Variants in KDSR observed in about 807,000 individuals in gnomAD.
KDSR encodes 3-dehydrosphinganine reductase.
KDSR carries 23 observed loss-of-function variants against 41.3 expected under a neutral mutation model. That is an observed-to-expected ratio of 0.56 (90% CI 0.40 to 0.79). The LOEUF (loss-of-function observed/expected upper bound fraction) is 0.79. KDSR is among the 30% of genes least tolerant of loss of function. KDSR has a pLI of 0.00. For synonymous variants in KDSR, 138 were observed against 151.7 expected (o/e 0.91, Z 0.66); for missense variants, 351 against 416.8 (o/e 0.84, Z 1.37).
intron 1 of KDSR, among the ~76,000 whole-genome samples, chr18:63,363,624 T>C (rs1915056495): frequency 6.6e-6 from 1 of 152,082 alleles, no homozygotes; most frequent in Non-Finnish European, 1.5e-5. Flanking sequence ...TCTATCATTG[T>C]TGGACATTTG....
chr18:63,334,586 T>G (rs974414284), intron 9 of KDSR, among the ~76,000 whole-genome samples: 9 of 152,158 alleles, frequency 5.9e-5, no homozygotes, highest in African/African-American at 2.2e-4. Context: ...TGATCTCAAG[T>G]GATCTACCCA....
intron 2 of KDSR, among the ~76,000 whole-genome samples, chr18:63,361,126 C>T (rs2144379693): frequency 1.8e-5 from 2 of 110,068 alleles, no homozygotes; most frequent in South Asian, 6.5e-4. Flanking sequence ...CCTGTAATCC[C>T]AGGTATTCCG....
Position 63,362,827 on chromosome 18 carries a change from G to A in KDSR, c.150C>T (p.Ile50=), listed in dbSNP as rs774638341. 21 of 1,613,596 alleles carry A rather than the reference G, an allele frequency of 1.3e-5. No homozygotes were observed. Among genetic ancestry groups the A allele is most frequent in the East Asian group, 2.2e-5 (1 of 44,880 alleles). ...GSSGIGKCIA[I]ECYKQGAFIT... ...TAAAAGCTCCTTGTTTATAGCACTC[G>A]ATAGCAATGCACTTCCCGATGCCAC... The change falls in exon 2 of 10, where the codon ATC becomes ATT. Residue 50 remains isoleucine (I), a synonymous_variant. Coordinates refer to ENST00000645214, the MANE Select transcript of KDSR (RefSeq NM_002035.4).
chr18:63,352,908 T>G (rs954749186), intron 5 of KDSR, among the ~76,000 whole-genome samples: 18 of 151,748 alleles, frequency 1.2e-4, no homozygotes, highest in African/African-American at 4.1e-4. Context: ...GGCTCATGCC[T>G]GTAATCCCAG....
chr18:63,333,317 C>A (rs926347878), intron 9 of KDSR, among the ~76,000 whole-genome samples: 4 of 152,194 alleles, frequency 2.6e-5, no homozygotes, highest in African/African-American at 9.7e-5. Flanking sequence ...AACTCCTGAG[C>A]TCAAGCGATC....
intron 6 of KDSR, chr18:63,345,109 C>T (rs1914459502): frequency 6.6e-6 from 1 of 152,542 alleles, no homozygotes; most frequent in Admixed American, 6.5e-5. Context: ...GAGTCACTTC[C>T]TCCTCCACTG....
rs369318404 is a variant in KDSR, at chr18:63,352,662, G to A, written c.418-1583C>T. 6.6e-5 allele frequency among the ~76,000 whole-genome samples: 10 copies of A among 152,186 alleles called. 1 individual carries two copies. The highest frequency in any genetic ancestry group is 2.4e-4 in the African/African-American group (10 of 41,502). Reference sequence around the variant, plus strand: ...GACCAGAAACACTGGGAGTGACAGGGAAAAATATCTATGCTATTTAAGTTT... The same window carrying A: ...GACCAGAAACACTGGGAGTGACAGGAAAAAATATCTATGCTATTTAAGTTT... On this transcript the variant is annotated intron_variant, in intron 5 of 9. Transcript: ENST00000645214.
At chr18:63,366,701 G>A in intron 1 of KDSR, 2 of 302,416 alleles carry the variant, frequency 6.6e-6, no homozygotes, top group Non-Finnish European at 1.2e-5. Flanking sequence ...CACATCCCAG[G>A]GATGTTGCAT....
rs1329422782 is a variant in KDSR, at chr18:63,350,993, G to A, written c.504C>T (p.Ile168=). The change falls in exon 6 of 10, where the codon ATC becomes ATT. Residue 168 remains isoleucine, a synonymous_variant. Transcript: ENST00000645214. ...TTMKERRVGR[I]VFVSSQAGQL... ...GTCCTGCCTGGGAGGACACAAACACGATCCTGCCCACCCGGCGCTCCTTCA... is the reference window on the plus strand; with the variant it reads ...GTCCTGCCTGGGAGGACACAAACACAATCCTGCCCACCCGGCGCTCCTTCA... 2 of 1,614,004 alleles carry A rather than the reference G, an allele frequency of 1.2e-6. No individual in the cohort carries two copies. The highest frequency in any genetic ancestry group is 1.3e-5 in the African/African-American group (1 of 74,922).
In KDSR at chr18:63,331,006, A is replaced by G. The variant is rs958349570; in HGVS notation, c.*776T>C. 8 of 231,704 alleles carry G rather than the reference A, an allele frequency of 3.5e-5. No individual in the cohort carries two copies. The highest frequency in any genetic ancestry group is 6.0e-5 in the Non-Finnish European group (7 of 116,944). The allele number at this position is 231,704 out of a possible 1,614,324, so 14.4% of individuals were successfully genotyped here. ...TTAAGGAGGCTGCCTTTCCCCATGA[A>G]TGAGAAATGAAACGTTCCCTAAGCA... On this transcript the variant is annotated 3_prime_UTR_variant, in exon 10 of 10. Transcript: ENST00000645214.
At chr18:63,355,468 T>C (rs766422607) in intron 4 of KDSR, 30 bp downstream of exon 4, 10 of 1,613,548 alleles carry the variant, frequency 6.2e-6, no homozygotes, top group African/African-American at 1.3e-5. Context: ...TCAAGCACAT[T>C]GGTGAATTCC....
At position 63,361,209 on chromosome 18, in the gene KDSR, CAAAAAAAAAAAAAA is replaced by C. The variant is rs71162630; in HGVS notation, c.199-1431_199-1418del. Among the ~76,000 whole-genome samples the C allele has an allele frequency of 4.5e-4, 7 of 15,524 alleles. No individual in the cohort carries two copies. The Admixed American group carries it at 5.4e-3, about 12-fold the overall frequency. The allele number at this position is 15,524 out of a possible 152,430, so 10.2% of individuals were successfully genotyped here. A position where few individuals can be genotyped will look rare whatever the true frequency, so the allele number is the denominator to read the frequency against. On this transcript the variant is annotated intron_variant, in intron 2 of 9. Transcript: ENST00000645214. ...TGGGTTACAGAGCAAAACTCCGTCTCAAAAAAAAAAAAAAAAAAAAAAAAAAAAGAATGAATTAC... is the reference window on the plus strand; with the variant it reads ...TGGGTTACAGAGCAAAACTCCGTCTCAAAAAAAAAAAAAAGAATGAATTAC...
At position 63,337,666 on chromosome 18, in the gene KDSR, TA is replaced by T. The variant is rs548114004; in HGVS notation, c.777+1133del. Among the ~76,000 whole-genome samples the T allele has an allele frequency of 7.9e-5, 12 of 152,266 alleles. No homozygotes were observed. The South Asian group carries it at 2.3e-3, about 29-fold the overall frequency. The stretch of plus-strand genomic sequence containing the variant: ...GGGCTGGGCACGGAGCTCACGCCTG[TA>T]ATCCCAGCACTTTGGCCAAGAGGCT... On this transcript the variant is annotated intron_variant, in intron 8 of 9. Coordinates refer to ENST00000645214, the MANE Select transcript of KDSR (RefSeq NM_002035.4).
chr18:63,366,916 G>T (rs1375843555), intron 1 of KDSR, 95 bp downstream of exon 1: 2 of 586,438 alleles, frequency 3.4e-6, no homozygotes, highest in Non-Finnish European at 5.2e-6. Flanking sequence ...CCTGGGGACC[G>T]CGGCCTGGAA....
At chr18:63,361,209 C>CAAA (rs71162630) in intron 2 of KDSR, among the ~76,000 whole-genome samples, 1,861 of 15,472 alleles carry the variant, frequency 0.12, 368 homozygotes, top group East Asian at 0.38. Context: ...AACTCCGTCT[C>CAAA]AAAAAAAAAA....
rs4940584 is a variant in KDSR, at chr18:63,361,017, A to T, written c.199-1225T>A. 6.8e-3 allele frequency among the ~76,000 whole-genome samples: 728 copies of T among 106,730 alleles called. 8 individuals carry two copies. The highest frequency in any genetic ancestry group is 9.7e-3 in the Non-Finnish European group (569 of 58,492). 70.0% of individuals were successfully genotyped at this position (106,730 alleles called of 152,430 possible). ...TAAAAAAAAAATATATATATATATA[A>T]AATATATAATATATATAATAAAAAT... On this transcript the variant is annotated intron_variant, in intron 2 of 9. Transcript: ENST00000645214.
intron 6 of KDSR, among the ~76,000 whole-genome samples, chr18:63,349,980 A>G (rs1196886370): frequency 5.3e-5 from 8 of 152,188 alleles, no homozygotes; most frequent in Non-Finnish European, 4.4e-5. Flanking sequence ...ATCATCAACC[A>G]GGATTCCCAA....
At chr18:63,332,048 C>G in intron 9 of KDSR, 147 bp from the exon 10 acceptor site, 2 of 811,188 alleles carry the variant, frequency 2.5e-6, no homozygotes, top group Non-Finnish European at 3.8e-6. Flanking sequence ...TGTCAGTAAG[C>G]TGTGAGAACA....
chr18:63,342,953 T>G (rs1914388361), intron 7 of KDSR, among the ~76,000 whole-genome samples: 2 of 152,092 alleles, frequency 1.3e-5, no homozygotes, highest in African/African-American at 2.4e-5. Flanking sequence ...TCTCACGAGA[T>G]CTGGTTGTTT....
Sources: gnomAD v4.1 joint callset for allele counts (sites outside exome capture counted in the v4.1 genomes callset) on GRCh38, gnomAD v4.1.1 for gene constraint, MANE v1.5 for transcripts, NCBI Gene and HGNC (gene_info 2026-07-23, HGNC 2026-07-21) for gene names.